Variants in SCN1A observed in about 807,000 individuals in gnomAD.
SCN1A encodes sodium channel protein type 1 subunit alpha.
In SCN1A, 13 loss-of-function variants were observed where a neutral mutation model predicts 193.7. The ratio of observed to expected loss-of-function variants is 0.07; its 90% CI spans 0.04 to 0.11. SCN1A has a LOEUF of 0.11. Among genes scored for constraint, SCN1A ranks in the 10% least tolerant of loss-of-function variants. SCN1A has a pLI of 1.00. For synonymous variants in SCN1A, 781 were observed against 843.6 expected, an observed-to-expected ratio of 0.93 and a Z score of 1.29; for missense variants, 1,432 against 2,451.1, an observed-to-expected ratio of 0.58 and a Z score of 8.78.
chr2:166,088,683 AC>A (rs908209937), intron 2 of SCN1A, among the ~76,000 whole-genome samples: 1 of 151,828 alleles, frequency 6.6e-6, no homozygotes, highest in African/African-American at 2.4e-5. Flanking sequence ...CCCTACATTC[AC>A]CCCCAGTAAA....
chr2:166,072,837 CTTT>C (rs796420549), intron 4 of SCN1A, among the ~76,000 whole-genome samples: 6 of 119,456 alleles, frequency 5.0e-5, no homozygotes, highest in East Asian at 2.6e-4. Flanking sequence ...TCTCTTCTTT[CTTT>C]TTTTTTTTTT....
In SCN1A at chr2:166,127,848, G is replaced by A. The variant is rs1574629605; in HGVS notation, c.-306C>T. 6.6e-6 allele frequency: 1 copy of A among 152,232 alleles called. No individual in the cohort carries two copies. The highest frequency in any genetic ancestry group is 1.9e-4 in the East Asian group (1 of 5,180). 9.4% of individuals were successfully genotyped at this position (152,232 alleles called of 1,614,324 possible). ...ACGAGATGATAACAATGTGCCTTCA[G>A]TTGCAATTGTTCAGATTCCTTCTTG... On this transcript the variant is annotated 5_prime_UTR_variant, in exon 1 of 29. Transcript: ENST00000674923.
Position 166,036,040 on chromosome 2 carries a change from A to C in SCN1A, c.3429+8T>G. 1 of 1,613,280 alleles carries C rather than the reference A, an allele frequency of 6.2e-7. No homozygotes were observed. The highest frequency in any genetic ancestry group is 8.5e-7 in the Non-Finnish European group (1 of 1,179,676). ...TATTCATACCTTCCCACACCTATAG[A>C]ATCTTACCTCTTTGCTTTCTTCCAG... On this transcript the variant is annotated splice_region_variant and intron_variant, in intron 19 of 28. Transcript: ENST00000674923.
chr2:166,105,914 G>A lies in SCN1A; in HGVS notation c.-142+21010C>T, dbSNP rs571134215. ...TCAAGATACAGAAACCGGGCCGGGCGCGGTGGCTCACGCCTGTAATCCCAG... is the reference window on the plus strand; with the variant it reads ...TCAAGATACAGAAACCGGGCCGGGCACGGTGGCTCACGCCTGTAATCCCAG... On this transcript the variant is annotated intron_variant, in intron 2 of 28. Transcript: ENST00000674923. Among the ~76,000 whole-genome samples, 9 of 152,306 alleles carry A rather than the reference G, an allele frequency of 5.9e-5. No homozygotes were observed. In the East Asian group the frequency reaches 1.2e-3, roughly 20 times the overall value.
intron 2 of SCN1A, among the ~76,000 whole-genome samples, chr2:166,083,843 T>C (rs573936): frequency 0.29 from 43,654 of 152,104 alleles, 6,409 homozygotes; most frequent in East Asian, 0.36. Flanking sequence ...ACTGTCATTG[T>C]AAGTAAATTA....
intron 1 of SCN1A, among the ~76,000 whole-genome samples, chr2:166,145,250 C>T (rs5027758): frequency 6.0e-4 from 4 of 6,616 alleles, no homozygotes; most frequent in Non-Finnish European, 5.0e-4. Context: ...GTGTTAGCCA[C>T]CTGGTCTCGA....
intron 2 of SCN1A, among the ~76,000 whole-genome samples, chr2:166,108,879 G>T (rs1688988156): frequency 6.6e-6 from 1 of 152,118 alleles, no homozygotes; most frequent in Non-Finnish European, 1.5e-5. Flanking sequence ...AGATTGTAAT[G>T]ATTGCTGCAC....
chr2:166,098,791 C>G (rs1687692129), intron 2 of SCN1A, among the ~76,000 whole-genome samples: 1 of 152,072 alleles, frequency 6.6e-6, no homozygotes, highest in Non-Finnish European at 1.5e-5. Flanking sequence ...TACCTAGTAA[C>G]ACAGCTAACC....
intron 2 of SCN1A, among the ~76,000 whole-genome samples, chr2:166,116,293 G>T (rs559960360): frequency 6.6e-6 from 1 of 152,302 alleles, no homozygotes; most frequent in South Asian, 2.1e-4. Context: ...ATTGGTTTAG[G>T]TGAGGAAAGA....
Position 165,991,008 on chromosome 2 carries a change from A to T in SCN1A, c.*237T>A. ...ACTAGCCATTGTGCATCTTATCTTCAGCAGTGTCAGCTGGTAGTGAGAACA... is the reference window on the plus strand; with the variant it reads ...ACTAGCCATTGTGCATCTTATCTTCTGCAGTGTCAGCTGGTAGTGAGAACA... On this transcript the variant is annotated 3_prime_UTR_variant, in exon 29 of 29. Transcript: ENST00000674923. 1 of 510,468 alleles carries T rather than the reference A, an allele frequency of 2.0e-6. No individual in the cohort carries two copies. Among genetic ancestry groups the T allele is most frequent in the East Asian group, 3.4e-5 (1 of 29,190 alleles). The allele number at this position is 510,468 out of a possible 1,614,324, so 31.6% of individuals were successfully genotyped here.
chr2:165,992,043 A>G lies in SCN1A; in HGVS notation c.5232T>C (p.Asn1744=). 6.2e-7 allele frequency: 1 copy of G among 1,613,964 alleles called. No homozygotes were observed. The highest frequency in any genetic ancestry group is 8.5e-7 in the Non-Finnish European group (1 of 1,179,946). ...TAACTGAGCTTCCAGGGTTAACTTTATTAGGGTCACAGTCGGGTGGCTTAC... is the reference window on the plus strand; with the variant it reads ...TAACTGAGCTTCCAGGGTTAACTTTGTTAGGGTCACAGTCGGGTGGCTTAC... ...LNSKPPDCDP[N]KVNPGSSVKG... is the part of the protein sequence containing the mutation. The change falls in exon 29 of 29, where the codon AAT becomes AAC. Residue 1744 remains asparagine, a synonymous_variant. Coordinates refer to ENST00000674923, the MANE Select transcript of SCN1A (RefSeq NM_001165963.4). This position sits in a 1 kb window ranked among gnomAD's most constrained non-coding sequence, Gnocchi z 6.5.
At chr2:166,030,975 C>G (rs991444714) in intron 19 of SCN1A, among the ~76,000 whole-genome samples, 1 of 152,204 alleles carries the variant, frequency 6.6e-6, no homozygotes, top group East Asian at 1.9e-4. Context: ...AGTCACCATT[C>G]TTTATTATTA....
At chr2:165,997,720 T>A (rs190397131) in intron 26 of SCN1A, among the ~76,000 whole-genome samples, 2 of 151,442 alleles carry the variant, frequency 1.3e-5, no homozygotes, top group Admixed American at 1.3e-4. Flanking sequence ...CAAATTGCTT[T>A]TGGGAAAGAG....
chr2:166,129,758 C>G (rs1691574481), upstream of SCN1A, among the ~76,000 whole-genome samples: 1 of 152,084 alleles, frequency 6.6e-6, no homozygotes, highest in Admixed American at 6.6e-5. Flanking sequence ...AAGAACATAC[C>G]TGGCCACATG....
At chr2:166,034,670 CA>C (rs1418660441) in intron 19 of SCN1A, among the ~76,000 whole-genome samples, 1 of 152,098 alleles carries the variant, frequency 6.6e-6, no homozygotes, top group Admixed American at 6.6e-5. Flanking sequence ...GTTTTGTCTC[CA>C]CAAAATTCAT....
In SCN1A at chr2:166,036,156, G is replaced by A. The variant is rs1292449351; in HGVS notation, c.3321C>T (p.Asn1107=). ...GTACAGTCACAGTAAGACTGGGGTT[G>A]TTTATGAATGACATGTAATCACTTT... The part of the protein sequence containing the change: ...IDESDYMSFI[N]NPSLTVTVPI... Residue 1107 remains asparagine (N), a synonymous_variant, in exon 19 of 29, where the codon AAC becomes AAT. Coordinates refer to ENST00000674923, the MANE Select transcript of SCN1A (RefSeq NM_001165963.4). 6.2e-7 allele frequency: 1 copy of A among 1,613,866 alleles called. No individual in the cohort carries two copies. Among genetic ancestry groups the A allele is most frequent in the Non-Finnish European group, 8.5e-7 (1 of 1,179,950 alleles).
intron 16 of SCN1A, among the ~76,000 whole-genome samples, chr2:166,040,431 T>A (rs560482737): frequency 2.0e-5 from 3 of 152,272 alleles, no homozygotes; most frequent in East Asian, 3.9e-4. Flanking sequence ...ATGAAAAAAA[T>A]AAATTTACTT....
intron 2 of SCN1A, among the ~76,000 whole-genome samples, chr2:166,086,896 GTGGACACTACCAGA>G (rs1686186508): frequency 1.3e-5 from 2 of 152,078 alleles, no homozygotes; most frequent in South Asian, 4.1e-4. Context: ...TTTGTATAGA[GTGGACACTACCAGA>G]TGTCCAGCAC....
chr2:166,044,145 A>G, intron 13 of SCN1A, 96 bp from the exon 14 acceptor site: 1 of 1,343,376 alleles, frequency 7.4e-7, no homozygotes, highest in Admixed American at 1.9e-5. Context: ...AGATTTCAGC[A>G]TTCATAACAG....
Sources: gnomAD v4.1 joint callset for allele counts (sites outside exome capture counted in the v4.1 genomes callset) on GRCh38, gnomAD v4.1.1 for gene constraint, Gnocchi (gnomAD v3.1) non-coding constraint, MANE v1.5 for transcripts, NCBI Gene and HGNC (gene_info 2026-07-23, HGNC 2026-07-21) for gene names.